The following AGAP1 variants were observed in gnomAD, a reference collection of about 807,000 sequenced individuals.
AGAP1 encodes the protein ArfGAP with GTPase domain, ankyrin repeat and PH domain 1.
In AGAP1, 29 loss-of-function variants were observed where a neutral mutation model predicts 105.3. The observed-to-expected ratio is 0.28, with a 90% CI of 0.21 to 0.38. AGAP1 has a LOEUF of 0.38. Ranked by LOEUF, AGAP1 falls within the 10% of genes least tolerant of loss-of-function variation. AGAP1 has a pLI of 1.00. For synonymous variants in AGAP1, 509 were observed against 485.9 expected (o/e 1.05, Z -0.63); for missense variants, 998 against 1,165.1 (o/e 0.86, Z 2.09).
chr2:235,796,665 A>C (rs1957258088), intron 6 of AGAP1, among the ~76,000 whole-genome samples: 1 of 152,192 alleles, frequency 6.6e-6, no homozygotes, highest in Non-Finnish European at 1.5e-5. Context: ...AATTGTATTC[A>C]TTTGGAAAAG....
At chr2:236,103,016 C>A (rs1366929094) in intron 16 of AGAP1, among the ~76,000 whole-genome samples, 1 of 131,828 alleles carries the variant, frequency 7.6e-6, no homozygotes, top group Non-Finnish European at 1.6e-5. Flanking sequence ...CCACCCCCCA[C>A]CCCCAGGCCT....
At chr2:235,786,505 A>G (rs914061698) in intron 6 of AGAP1, among the ~76,000 whole-genome samples, 2 of 152,190 alleles carry the variant, frequency 1.3e-5, no homozygotes, top group East Asian at 3.9e-4. Flanking sequence ...GTTTTTGATG[A>G]TGATTTATTC....
intron 9 of AGAP1, among the ~76,000 whole-genome samples, chr2:235,878,120 T>C (rs2049837497): frequency 6.6e-6 from 1 of 152,134 alleles, no homozygotes; most frequent in Non-Finnish European, 1.5e-5. Context: ...CCATGTCAGA[T>C]GGAGAGTATG....
At position 235,864,834 on chromosome 2, in the gene AGAP1, C is replaced by A. The variant is rs1238498764; in HGVS notation, c.1051-18511C>A. ...TTAGTACCCCAGCATACAGTAGCTT[C>A]ATTGGCTTTTTTTCTGCCCATATTC... On this transcript the variant is annotated intron_variant, in intron 9 of 17. Coordinates refer to ENST00000304032, the MANE Select transcript of AGAP1 (RefSeq NM_001037131.3). The surrounding 1 kb of genome is among the most constrained non-coding windows in gnomAD (Gnocchi z 5.0). Among the ~76,000 whole-genome samples the A allele has an allele frequency of 6.6e-6, 1 of 152,154 alleles. No individual in the cohort carries two copies. The highest frequency in any genetic ancestry group is 2.4e-5 in the African/African-American group (1 of 41,422).
chr2:235,628,848 G>A (rs1268594189), intron 1 of AGAP1, among the ~76,000 whole-genome samples: 3 of 151,722 alleles, frequency 2.0e-5, no homozygotes, highest in African/African-American at 4.8e-5. Flanking sequence ...TTTTGACTCC[G>A]TTACCCAGGC....
chr2:236,119,483 C>G lies in AGAP1; in HGVS notation c.2115-709C>G, dbSNP rs532819212. 6.6e-6 allele frequency among the ~76,000 whole-genome samples: 1 copy of G among 152,240 alleles called. No individual in the cohort carries two copies. Among genetic ancestry groups the G allele is most frequent in the Admixed American group, 6.5e-5 (1 of 15,296 alleles). On this transcript the variant is annotated intron_variant, in intron 16 of 17. Transcript: ENST00000304032. This position sits in a 1 kb window ranked among gnomAD's most constrained non-coding sequence, Gnocchi z 6.6. Reference sequence around the variant, plus strand: ...TCCTCAGCTGAAAGGGTTTGGAGACCCTGGGGAGTCCACACACACCCCCTA... The same window carrying G: ...TCCTCAGCTGAAAGGGTTTGGAGACGCTGGGGAGTCCACACACACCCCCTA...
At chr2:235,768,695 G>A (rs1955176261) in intron 6 of AGAP1, among the ~76,000 whole-genome samples, 1 of 152,128 alleles carries the variant, frequency 6.6e-6, no homozygotes, top group Non-Finnish European at 1.5e-5. Flanking sequence ...CACGGTGCCG[G>A]GGCACATTCA....
intron 1 of AGAP1, among the ~76,000 whole-genome samples, chr2:235,513,448 G>A (rs1421553991): frequency 6.8e-6 from 1 of 146,986 alleles, no homozygotes; most frequent in Non-Finnish European, 1.5e-5. Context: ...TTGAACCCAG[G>A]AGGCAGAGGT....
rs529487523 is a variant in AGAP1 at position 236,101,613 on chromosome 2, C to T, written c.2115-18579C>T. Among the ~76,000 whole-genome samples, 1 of 152,282 alleles carries T rather than the reference C, an allele frequency of 6.6e-6. No homozygotes were observed. The highest frequency in any genetic ancestry group is 1.9e-4 in the East Asian group (1 of 5,166). On this transcript the variant is annotated intron_variant, in intron 16 of 17. Transcript: ENST00000304032. The surrounding 1 kb of genome is among the most constrained non-coding windows in gnomAD (Gnocchi z 4.9). ...ACAGCGAGGGCTTACATCCACTTTA[C>T]GGGATCCGGAGCGGAGGAAAAGGGC...
At chr2:236,085,993 T>TG (rs2058918927) in intron 16 of AGAP1, among the ~76,000 whole-genome samples, 4 of 152,276 alleles carry the variant, frequency 2.6e-5, no homozygotes, top group Admixed American at 2.6e-4. Context: ...TATCACAGCC[T>TG]GGGAGCGGGA....
At chr2:235,668,027 G>A (rs920008801) in intron 1 of AGAP1, among the ~76,000 whole-genome samples, 2 of 149,022 alleles carry the variant, frequency 1.3e-5, no homozygotes, top group African/African-American at 5.0e-5. Flanking sequence ...ATTCTGTCTT[G>A]GAGACCCCTC....
In AGAP1 at chr2:236,036,444, G is replaced by A. The variant is rs564860742; in HGVS notation, c.1646-117G>A. 4 of 1,357,026 alleles carry A rather than the reference G, an allele frequency of 2.9e-6. No homozygotes were observed. Among genetic ancestry groups the A allele is most frequent in the Admixed American group, 2.1e-5 (1 of 48,242 alleles). 84.1% of individuals were successfully genotyped at this position (1,357,026 alleles called of 1,614,324 possible). A position where few individuals can be genotyped will look rare whatever the true frequency, so the allele number is the denominator to read the frequency against. ...CCGCCGTGGTTGTCCAGTGCCGTGCGCCTCACCGGTCCATGCAGGGGCAGC... is the reference window on the plus strand; with the variant it reads ...CCGCCGTGGTTGTCCAGTGCCGTGCACCTCACCGGTCCATGCAGGGGCAGC... On this transcript the variant is annotated intron_variant, in intron 13 of 17. Transcript: ENST00000304032. The surrounding 1 kb of genome is among the most constrained non-coding windows in gnomAD (Gnocchi z 5.7).
In AGAP1 at chr2:235,867,574, T is replaced by TGTGTGTGTGC. The variant is rs1380487646; in HGVS notation, c.1051-15770_1051-15769insTGTGTGTGCG. ...GTGTGTGTGTGTGTGTGTGTGTGTG[T>TGTGTGTGTGC]GCAAGTGAGGGAGGGTGACCCCCAC... On this transcript the variant is annotated intron_variant, in intron 9 of 17. Coordinates refer to ENST00000304032, the MANE Select transcript of AGAP1 (RefSeq NM_001037131.3). The surrounding 1 kb of genome is among the most constrained non-coding windows in gnomAD (Gnocchi z 5.4). Among the ~76,000 whole-genome samples, 303 of 147,690 alleles carry TGTGTGTGTGC rather than the reference T, an allele frequency of 2.1e-3. 1 individual carries two copies. In the East Asian group the frequency reaches 0.028, roughly 14 times the overall value.
intron 1 of AGAP1, among the ~76,000 whole-genome samples, chr2:235,681,503 ACAG>A (rs1198948539): frequency 1.3e-5 from 2 of 152,170 alleles, no homozygotes; most frequent in African/African-American, 4.8e-5. Flanking sequence ...AACACAGCCG[ACAG>A]GTGGACAGCC....
rs1234010545 is a variant in AGAP1, at chr2:235,625,389, AT to A, written c.164-83788del. ...AGCCTAGCTGAGGCAGCTGGAAGAA[AT>A]TCATGGGAGTCCTGCATCGCTGAGG... On this transcript the variant is annotated intron_variant, in intron 1 of 17. Transcript: ENST00000304032. The surrounding 1 kb of genome is among the most constrained non-coding windows in gnomAD (Gnocchi z 4.0). Among the ~76,000 whole-genome samples, 66 of 152,324 alleles carry A rather than the reference AT, an allele frequency of 4.3e-4. No homozygotes were observed. The highest frequency in any genetic ancestry group is 1.5e-3 in the African/African-American group (62 of 41,586).
intron 6 of AGAP1, among the ~76,000 whole-genome samples, chr2:235,776,077 A>T (rs1450020079): frequency 6.6e-6 from 1 of 152,146 alleles, no homozygotes; most frequent in Non-Finnish European, 1.5e-5. Context: ...GGTTTTGAAT[A>T]TATATTAGAT....
intron 10 of AGAP1, among the ~76,000 whole-genome samples, chr2:235,897,003 C>T (rs1189878790): frequency 6.6e-6 from 1 of 152,186 alleles, no homozygotes; most frequent in Non-Finnish European, 1.5e-5. Context: ...GTTGTTGACA[C>T]ACAGTGAATG....
Position 235,930,679 on chromosome 2 carries a change from C to A in AGAP1, c.1325-86C>A. On this transcript the variant is annotated intron_variant, in intron 11 of 17. Coordinates refer to ENST00000304032, the MANE Select transcript of AGAP1 (RefSeq NM_001037131.3). The surrounding 1 kb of genome is among the most constrained non-coding windows in gnomAD (Gnocchi z 7.9). ...CTCGGTGGTAAGGTGCACTATGTGCCAGCGTGTGGGTCCCATAGACTAACT... is the reference window on the plus strand; with the variant it reads ...CTCGGTGGTAAGGTGCACTATGTGCAAGCGTGTGGGTCCCATAGACTAACT... 2.9e-6 allele frequency: 4 copies of A among 1,378,322 alleles called. No individual in the cohort carries two copies. The highest frequency in any genetic ancestry group is 3.9e-6 in the Non-Finnish European group (4 of 1,017,794). The allele number at this position is 1,378,322 out of a possible 1,614,324, so 85.4% of individuals were successfully genotyped here.
At chr2:235,746,867 G>C (rs539430646) in intron 5 of AGAP1, among the ~76,000 whole-genome samples, 4 of 152,188 alleles carry the variant, frequency 2.6e-5, no homozygotes, top group Non-Finnish European at 5.9e-5. Flanking sequence ...AGCCTGGAAA[G>C]ATCCCCTGCG....
Sources: allele counts gnomAD v4.1 joint callset (sites outside exome capture counted in the v4.1 genomes callset), GRCh38; gene constraint gnomAD v4.1.1; non-coding constraint Gnocchi (gnomAD v3.1); transcripts MANE v1.5; gene names NCBI Gene and HGNC (gene_info 2026-07-23, HGNC 2026-07-21).